Variants in MYT1L observed in about 807,000 individuals in gnomAD.
The protein encoded by MYT1L is myelin transcription factor 1-like protein.
A neutral mutation model predicts 126.7 loss-of-function variants in MYT1L; 12 were observed. That is an observed-to-expected ratio of 0.09 (90% confidence interval 0.06 to 0.15). MYT1L has a LOEUF of 0.15. Ranked by LOEUF, MYT1L falls within the 10% of genes least tolerant of loss-of-function variation. MYT1L has a pLI of 1.00. For missense variants in MYT1L, 979 were observed against 1,585.2 expected, an observed-to-expected ratio of 0.62 and a Z score of 6.49; for synonymous variants, 541 against 604.2, an observed-to-expected ratio of 0.90 and a Z score of 1.53.
chr2:2,011,671 A>G (rs1437820881), intron 4 of MYT1L, among the ~76,000 whole-genome samples: 3 of 152,196 alleles, frequency 2.0e-5, no homozygotes, highest in African/African-American at 4.8e-5. Context: ...AATAATTATT[A>G]TAAATCAATA....
At position 2,032,333 on chromosome 2, in the gene MYT1L, G is replaced by A. The variant is rs537368707; in HGVS notation, c.-158+21645C>T. Among the ~76,000 whole-genome samples, 21 of 114,950 alleles carry A rather than the reference G, an allele frequency of 1.8e-4. No homozygotes were observed. The South Asian group carries it at 4.4e-3, about 24-fold the overall frequency. 75.4% of individuals were successfully genotyped at this position (114,950 alleles called of 152,430 possible). On this transcript the variant is annotated intron_variant, in intron 4 of 24. Coordinates refer to ENST00000647738, the MANE Select transcript of MYT1L (RefSeq NM_001303052.2). The stretch of plus-strand genomic sequence containing the variant: ...ATCCTGTGGCCCAGAGCAGATTCTA[G>A]AAGGAGGGCCTTATACACACACCCG...
At chr2:2,130,167 AAGGGGTTCCGAAT>A (rs914577022) in intron 3 of MYT1L, among the ~76,000 whole-genome samples, 6 of 152,028 alleles carry the variant, frequency 3.9e-5, no homozygotes, top group Admixed American at 3.3e-4. Context: ...CTCAGTATAA[AAGGGGTTCCGAAT>A]AGGGACGGCA....
intron 4 of MYT1L, among the ~76,000 whole-genome samples, chr2:2,027,264 T>A (rs1213579): frequency 6.6e-6 from 1 of 151,876 alleles, no homozygotes. Context: ...TCCCGGCTGG[T>A]GAGTGCTTCC....
chr2:1,813,812 G>A (rs1489913712), intron 21 of MYT1L, among the ~76,000 whole-genome samples: 1 of 139,138 alleles, frequency 7.2e-6, no homozygotes, highest in Non-Finnish European at 1.6e-5. Context: ...CGGATCACGC[G>A]GTCAGGAGAT....
At chr2:2,086,603 A>C (rs1159822794) in intron 3 of MYT1L, among the ~76,000 whole-genome samples, 4 of 152,130 alleles carry the variant, frequency 2.6e-5, no homozygotes, top group African/African-American at 7.2e-5. Context: ...TCCATGCCTT[A>C]TCACCCCCTT....
intron 18 of MYT1L, among the ~76,000 whole-genome samples, chr2:1,861,346 G>C (rs1003506234): frequency 6.6e-6 from 1 of 152,164 alleles, no homozygotes; most frequent in Non-Finnish European, 1.5e-5. Flanking sequence ...CCTTAGGAAA[G>C]GCAGGTCTTC....
rs774825001 is a variant in MYT1L at position 1,791,974 on chromosome 2, C to T, written c.3454G>A (p.Val1152Met). The change falls in exon 25 of 25, where the codon GTG (valine) becomes ATG (methionine). Residue 1152 changes from valine to methionine, a missense_variant. By Grantham distance (21) the Val-to-Met change is conservative (BLOSUM62 1). Around this residue, in one of 12 missense-constraint regions of MYT1L, gnomAD observed 179 missense variants for 398.6 expected, o/e 0.45. Transcript: ENST00000647738. This position sits in a 1 kb window ranked among gnomAD's most constrained non-coding sequence, Gnocchi z 6.0. ...PINEQNFDAY[V>M]TTLTEMYTNQ... ...GTATACATTTCCGTCAAAGTAGTCACGTAAGCATCAAAATTTTGTTCATTG... is the reference window on the plus strand; with the variant it reads ...GTATACATTTCCGTCAAAGTAGTCATGTAAGCATCAAAATTTTGTTCATTG... 5 of 1,606,106 alleles carry T rather than the reference C, an allele frequency of 3.1e-6. No individual in the cohort carries two copies. Among genetic ancestry groups the T allele is most frequent in the South Asian group, 2.3e-5 (2 of 88,686 alleles).
rs892352871 is a variant in MYT1L at position 1,901,101 on chromosome 2, C to T, written c.2032+1979G>A. 7.2e-5 allele frequency among the ~76,000 whole-genome samples: 11 copies of T among 152,170 alleles called. No individual in the cohort carries two copies. In the South Asian group the frequency reaches 1.2e-3, roughly 17 times the overall value. ...AGCATCCGGCTCCTAAGAATGACACCGAAAATCTGCTCAGTGGATTTGACT... is the reference window on the plus strand; with the variant it reads ...AGCATCCGGCTCCTAAGAATGACACTGAAAATCTGCTCAGTGGATTTGACT... On this transcript the variant is annotated intron_variant, in intron 14 of 24. Transcript: ENST00000647738.
chr2:2,227,767 C>T (rs1436133618), intron 2 of MYT1L, among the ~76,000 whole-genome samples: 2 of 152,044 alleles, frequency 1.3e-5, no homozygotes, highest in African/African-American at 4.8e-5. Flanking sequence ...AAGTTAAAAC[C>T]CCTGCATCAT....
At chr2:1,930,875 A>G (rs909778617) in intron 9 of MYT1L, among the ~76,000 whole-genome samples, 1 of 152,220 alleles carries the variant, frequency 6.6e-6, no homozygotes, top group Admixed American at 6.5e-5. Flanking sequence ...CACCCAGGTC[A>G]TAAGCATAAT....
chr2:1,793,695 A>G lies in MYT1L; in HGVS notation c.3277-1231T>C, dbSNP rs2032746378. Among the ~76,000 whole-genome samples, 1 of 152,178 alleles carries G rather than the reference A, an allele frequency of 6.6e-6. No individual in the cohort carries two copies. Among genetic ancestry groups the G allele is most frequent in the Non-Finnish European group, 1.5e-5 (1 of 68,026 alleles). ...CGGCCTTCTCCTTGGAAGGAATCGC[A>G]GCCCCCACCATTCCTGCAGGGACGG... On this transcript the variant is annotated intron_variant, in intron 23 of 24. Transcript: ENST00000647738. The surrounding 1 kb of genome is among the most constrained non-coding windows in gnomAD (Gnocchi z 4.6).
chr2:2,111,020 C>T (rs1008364486), intron 3 of MYT1L, among the ~76,000 whole-genome samples: 31 of 152,288 alleles, frequency 2.0e-4, no homozygotes, highest in African/African-American at 6.3e-4. Flanking sequence ...CTGGGAGGAA[C>T]GCGGCCCTGG....
At chr2:2,159,703 A>C (rs1176486517) in intron 3 of MYT1L, among the ~76,000 whole-genome samples, 1 of 152,066 alleles carries the variant, frequency 6.6e-6, no homozygotes, top group East Asian at 2.0e-4. Context: ...AAAGGCCATT[A>C]GCAACTTCTG....
chr2:1,977,649 G>A (rs2060290087), intron 8 of MYT1L, among the ~76,000 whole-genome samples: 1 of 152,048 alleles, frequency 6.6e-6, no homozygotes, highest in East Asian at 1.9e-4. Flanking sequence ...TACCCCCTAA[G>A]TATATACACC....
At chr2:1,812,736 C>T (rs564366816) in intron 21 of MYT1L, among the ~76,000 whole-genome samples, 4 of 151,986 alleles carry the variant, frequency 2.6e-5, no homozygotes, top group African/African-American at 7.2e-5. Context: ...ATTAGCTGGG[C>T]GTGGTGGCAG....
At chr2:1,948,447 A>G (rs1007606644) in intron 8 of MYT1L, among the ~76,000 whole-genome samples, 1 of 152,128 alleles carries the variant, frequency 6.6e-6, no homozygotes, top group African/African-American at 2.4e-5. Context: ...ATTCCATTAC[A>G]TCTGTGTTCA....
intron 2 of MYT1L, among the ~76,000 whole-genome samples, chr2:2,182,656 T>C (rs1008973295): frequency 5.9e-5 from 9 of 152,190 alleles, no homozygotes; most frequent in African/African-American, 2.2e-4. Flanking sequence ...GCATGCGCTT[T>C]GCAGCTAACC....
chr2:1,851,401 G>A (rs2043246290), intron 19 of MYT1L, among the ~76,000 whole-genome samples: 1 of 152,084 alleles, frequency 6.6e-6, no homozygotes, highest in Admixed American at 6.5e-5. Context: ...TTCTCAGTGG[G>A]GCCACTTGCA....
In MYT1L at chr2:1,979,683, C is replaced by T; in HGVS notation, c.55+40G>A. 1 of 1,612,450 alleles carries T rather than the reference C, an allele frequency of 6.2e-7. No homozygotes were observed. The highest frequency in any genetic ancestry group is 8.5e-7 in the Non-Finnish European group (1 of 1,178,516). ...CCTCAGTTCCGCAGGATGAAGGTGA[C>T]CCTGAGCCGGCCTCAGGATGCAGGG... On this transcript the variant is annotated intron_variant, in intron 6 of 24. Transcript: ENST00000647738. This position sits in a 1 kb window ranked among gnomAD's most constrained non-coding sequence, Gnocchi z 4.0.
Sources: gnomAD v4.1 joint callset for allele counts (sites outside exome capture counted in the v4.1 genomes callset) on GRCh38, gnomAD v4.1.1 for gene constraint, gnomAD v4.1.1 regional missense constraint, Gnocchi (gnomAD v3.1) non-coding constraint, MANE v1.5 for transcripts, NCBI Gene and HGNC (gene_info 2026-07-23, HGNC 2026-07-21) for gene names.